GSG1L: variants seen among roughly 807,000 people sequenced by gnomAD.
The protein encoded by GSG1L is germ cell-specific gene 1-like protein.
A neutral mutation model predicts 42.1 loss-of-function variants in GSG1L; 24 were observed. That is an observed-to-expected ratio of 0.57 (90% confidence interval 0.41 to 0.80). The LOEUF (loss-of-function observed/expected upper bound fraction) is 0.80, where lower values mean the gene tolerates loss of function less well. Ranked by LOEUF, GSG1L falls within the 30% of genes least tolerant of loss-of-function variation. The probability of loss-of-function intolerance (pLI) is 0.00; values close to 1 mark genes in which losing one functional copy is unlikely to be tolerated. For synonymous variants in GSG1L, 215 were observed against 203.5 expected, an observed-to-expected ratio of 1.06 and a Z score of -0.48; for missense variants, 445 against 472.2, an observed-to-expected ratio of 0.94 and a Z score of 0.53.
At chr16:27,953,799 T>A (rs11641071) in intron 2 of GSG1L, among the ~76,000 whole-genome samples, 18,784 of 151,982 alleles carry the variant, frequency 0.12, 1,311 homozygotes, top group East Asian at 0.25. Flanking sequence ...GAATTGCTGG[T>A]ACCCAGGAGG....
intron 6 of GSG1L, among the ~76,000 whole-genome samples, chr16:27,798,001 G>A (rs917008578): frequency 6.6e-6 from 1 of 152,032 alleles, no homozygotes; most frequent in Non-Finnish European, 1.5e-5. Flanking sequence ...CATAGAAAGG[G>A]AAATACCAGA....
intron 2 of GSG1L, among the ~76,000 whole-genome samples, chr16:27,961,345 C>G (rs1362923519): frequency 6.6e-6 from 1 of 152,204 alleles, no homozygotes; most frequent in Non-Finnish European, 1.5e-5. Context: ...AAAGTTGACC[C>G]AGGAGCTCCA....
chr16:28,011,704 G>A (rs545603909), intron 1 of GSG1L, among the ~76,000 whole-genome samples: 53 of 152,302 alleles, frequency 3.5e-4, no homozygotes, highest in Admixed American at 2.4e-3. Flanking sequence ...ATGTGGACCA[G>A]GGCAGTGCCT....
Position 27,791,238 on chromosome 16 carries a change from G to T in GSG1L, c.*132C>A. 1 of 509,862 alleles carries T rather than the reference G, an allele frequency of 2.0e-6. No individual in the cohort carries two copies. Among genetic ancestry groups the T allele is most frequent in the Admixed American group, 4.0e-5 (1 of 25,020 alleles). 31.6% of individuals were successfully genotyped at this position (509,862 alleles called of 1,614,324 possible). The stretch of plus-strand genomic sequence containing the variant: ...AGGCAGCGATGGGCAGGACAGGCCT[G>T]GCATCTCCCACGCAGGCTGACTGAG... On this transcript the variant is annotated 3_prime_UTR_variant, in exon 7 of 7. Transcript: ENST00000447459.
rs35013275 is a variant in GSG1L at position 27,790,180 on chromosome 16, G to A, written c.*1190C>T. 15,418 of 151,924 alleles carry A rather than the reference G, an allele frequency of 0.1. 844 individuals are homozygous for A. Among genetic ancestry groups the A allele is most frequent in the Non-Finnish European group, 0.13 (8,557 of 67,926 alleles). 9.4% of individuals were successfully genotyped at this position (151,924 alleles called of 1,614,324 possible). A position where few individuals can be genotyped will look rare whatever the true frequency, so the allele number is the denominator to read the frequency against. On this transcript the variant is annotated 3_prime_UTR_variant, in exon 7 of 7. Transcript: ENST00000447459. ...GATGATGAATGATGGATGGATAATA[G>A]ATGATGAATGGGTGGATAATAGATG...
chr16:27,879,255 T>C (rs977903440), intron 3 of GSG1L, among the ~76,000 whole-genome samples: 2 of 152,172 alleles, frequency 1.3e-5, no homozygotes, highest in Admixed American at 1.3e-4. Context: ...CAGTTGTCCT[T>C]TGATATCCAC....
intron 3 of GSG1L, among the ~76,000 whole-genome samples, chr16:27,857,455 T>TG (rs1383159527): frequency 1.4e-5 from 2 of 145,916 alleles, no homozygotes; most frequent in Non-Finnish European, 1.5e-5. Context: ...AAGAAAGGCG[T>TG]GGGGGGCCAG....
At chr16:27,838,025 G>C (rs910005804) in intron 4 of GSG1L, among the ~76,000 whole-genome samples, 3 of 151,868 alleles carry the variant, frequency 2.0e-5, no homozygotes, top group African/African-American at 7.3e-5. Context: ...TTATCTTTAG[G>C]TCCAAGGATT....
intron 6 of GSG1L, among the ~76,000 whole-genome samples, chr16:27,800,573 G>T (rs1362323416): frequency 6.6e-6 from 1 of 152,172 alleles, no homozygotes; most frequent in Non-Finnish European, 1.5e-5. Flanking sequence ...TGAGCTGGCT[G>T]GTGGCGCCAC....
intron 2 of GSG1L, among the ~76,000 whole-genome samples, chr16:27,951,591 T>C (rs1002278213): frequency 1.3e-5 from 2 of 152,096 alleles, no homozygotes; most frequent in African/African-American, 4.8e-5. Flanking sequence ...GTAAAGAGCA[T>C]TGATTAACTC....
chr16:27,810,904 T>G (rs1448673970), intron 5 of GSG1L, among the ~76,000 whole-genome samples: 4 of 152,098 alleles, frequency 2.6e-5, no homozygotes, highest in Non-Finnish European at 5.9e-5. Flanking sequence ...CCCAGGCTGG[T>G]CTTGAACTCC....
intron 2 of GSG1L, among the ~76,000 whole-genome samples, chr16:27,951,639 G>A (rs1233313634): frequency 2.0e-5 from 3 of 152,130 alleles, no homozygotes; most frequent in South Asian, 2.1e-4. Context: ...GGCGTATTCC[G>A]GCTGCAGCCA....
At chr16:27,862,686 A>G (rs902513539) in intron 3 of GSG1L, among the ~76,000 whole-genome samples, 2 of 152,160 alleles carry the variant, frequency 1.3e-5, no homozygotes, top group Non-Finnish European at 2.9e-5. Flanking sequence ...AAACCAGGCC[A>G]TGCATTTGGT....
chr16:27,988,101 A>G (rs1169636901), intron 1 of GSG1L, among the ~76,000 whole-genome samples: 1 of 152,204 alleles, frequency 6.6e-6, no homozygotes, highest in Non-Finnish European at 1.5e-5. Flanking sequence ...CTGGAATATT[A>G]ACTTTTAAAC....
intron 3 of GSG1L, among the ~76,000 whole-genome samples, chr16:27,856,593 C>A (rs188377265): frequency 1.3e-5 from 2 of 152,334 alleles, no homozygotes; most frequent in East Asian, 3.9e-4. Flanking sequence ...ATTACAGGCA[C>A]AAGCCATCGC....
chr16:27,814,773 C>T (rs1193676058), intron 5 of GSG1L, among the ~76,000 whole-genome samples: 1 of 151,454 alleles, frequency 6.6e-6, no homozygotes, highest in Non-Finnish European at 1.5e-5. Flanking sequence ...AAGCTAAGAG[C>T]AGCCCACAGG....
intron 2 of GSG1L, among the ~76,000 whole-genome samples, chr16:27,887,195 A>G (rs754690003): frequency 2.6e-5 from 4 of 152,124 alleles, no homozygotes; most frequent in Non-Finnish European, 5.9e-5. Flanking sequence ...AGCTCAAGTG[A>G]TCATCCTCTC....
At chr16:27,896,531 G>A (rs2084194036) in intron 2 of GSG1L, among the ~76,000 whole-genome samples, 1 of 152,130 alleles carries the variant, frequency 6.6e-6, no homozygotes, top group Non-Finnish European at 1.5e-5. Context: ...TAACAAACCT[G>A]CACATCCTGC....
chr16:27,862,346 C>A lies in GSG1L; in HGVS notation c.551-17285G>T, dbSNP rs540686459. 1.1e-3 allele frequency among the ~76,000 whole-genome samples: 169 copies of A among 152,240 alleles called. 9 individuals are homozygous for A. The South Asian group carries it at 0.034, about 31-fold the overall frequency. On this transcript the variant is annotated intron_variant, in intron 3 of 6. Coordinates refer to ENST00000447459, the MANE Select transcript of GSG1L (RefSeq NM_001109763.2). ...GGAGAAACTGAAGCCCTGAAAGAAA[C>A]CAAAAGGAGCCGAAATCTCCGAACA...
Sources: gnomAD v4.1 joint callset for allele counts (sites outside exome capture counted in the v4.1 genomes callset) on GRCh38, gnomAD v4.1.1 for gene constraint, MANE v1.5 for transcripts, NCBI Gene and HGNC (gene_info 2026-07-23, HGNC 2026-07-21) for gene names.